The following SYNE1 variants were observed in gnomAD, a reference collection of about 807,000 sequenced individuals.
SYNE1 encodes nesprin-1.
Under a neutral mutation model 1,111.0 loss-of-function variants are expected in SYNE1, and 616 were observed. The ratio of observed to expected loss-of-function variants is 0.55; its 90% CI spans 0.52 to 0.59. The LOEUF is 0.59. Among genes scored for constraint, SYNE1 ranks in the 20% least tolerant of loss-of-function variants. SYNE1 has a pLI of 0.00. For missense variants in SYNE1, 10,006 were observed against 10,417.0 expected (o/e 0.96, Z 1.72); for synonymous variants, 3,855 against 3,825.8 (o/e 1.01, Z -0.28).
chr6:152,632,613 T>C (rs1228847136), intron 2 of SYNE1, among the ~76,000 whole-genome samples: 2 of 152,186 alleles, frequency 1.3e-5, no homozygotes, highest in Non-Finnish European at 2.9e-5. Flanking sequence ...GAGAGTGTGG[T>C]ACCAGGAAAT....
rs1323013001 is a variant in SYNE1, at chr6:152,298,186, A to G, written c.17682+2455T>C. ...TTCATTTTCACAATGCTGTGAATTAAGTAGTATTGCTTCTCACTTACAAAT... is the reference window on the plus strand; with the variant it reads ...TTCATTTTCACAATGCTGTGAATTAGGTAGTATTGCTTCTCACTTACAAAT... On this transcript the variant is annotated intron_variant, in intron 93 of 145. Coordinates refer to ENST00000367255, the MANE Select transcript of SYNE1 (RefSeq NM_182961.4). 2.4e-4 allele frequency among the ~76,000 whole-genome samples: 37 copies of G among 152,234 alleles called. 1 individual carries two copies.
At chr6:152,599,263 CT>C (rs1225348199) in intron 3 of SYNE1, among the ~76,000 whole-genome samples, 2 of 152,192 alleles carry the variant, frequency 1.3e-5, no homozygotes, top group African/African-American at 2.4e-5. Context: ...TCACTGCAGG[CT>C]GCTCTAGTAA....
chr6:152,408,069 T>C (rs1032873243), intron 44 of SYNE1, among the ~76,000 whole-genome samples: 2 of 152,126 alleles, frequency 1.3e-5, no homozygotes, highest in Admixed American at 1.3e-4. Flanking sequence ...AGCCAAAGAA[T>C]GTTCTTTTAA....
intron 3 of SYNE1, among the ~76,000 whole-genome samples, chr6:152,562,394 A>G (rs774959178): frequency 6.6e-6 from 1 of 152,202 alleles, no homozygotes; most frequent in Non-Finnish European, 1.5e-5. Context: ...AGCAAAAGAT[A>G]ACAAGTGTTG....
chr6:152,248,043 T>G lies in SYNE1; in HGVS notation c.19572+1118A>C, dbSNP rs565371752. ...TCTAACATCCCTCCCATTTCTTCTA[T>G]CTGCATTTTCATGCCATCATGCCAG... On this transcript the variant is annotated intron_variant, in intron 105 of 145. Coordinates refer to ENST00000367255, the MANE Select transcript of SYNE1 (RefSeq NM_182961.4). Among the ~76,000 whole-genome samples, 5 of 152,298 alleles carry G rather than the reference T, an allele frequency of 3.3e-5. No individual in the cohort carries two copies. In the East Asian group the frequency reaches 7.7e-4, roughly 24 times the overall value.
chr6:152,223,235 C>T (rs936860960), intron 117 of SYNE1, among the ~76,000 whole-genome samples: 3 of 152,170 alleles, frequency 2.0e-5, no homozygotes, highest in South Asian at 2.1e-4. Context: ...AAGAAGTTTT[C>T]GTGATCCTTA....
Position 152,164,073 on chromosome 6 carries a change from C to A in SYNE1, c.23790+90G>T. 6 of 1,564,718 alleles carry A rather than the reference C, an allele frequency of 3.8e-6. No homozygotes were observed. The Admixed American group carries it at 1.0e-4, about 26-fold the overall frequency. On this transcript the variant is annotated intron_variant, in intron 131 of 145. Transcript: ENST00000367255. The stretch of plus-strand genomic sequence containing the variant: ...CTAGCTCCCTGCTGACCTTCCATCT[C>A]CAGGCACCATCTCATGCCCACCCCA...
At chr6:152,542,115 C>T (rs765837480) in intron 3 of SYNE1, among the ~76,000 whole-genome samples, 2 of 152,146 alleles carry the variant, frequency 1.3e-5, no homozygotes, top group African/African-American at 4.8e-5. Context: ...TTCAATCCCT[C>T]GCCCTTTGAG....
intron 131 of SYNE1, among the ~76,000 whole-genome samples, chr6:152,158,391 T>C (rs1385723126): frequency 6.6e-6 from 1 of 152,208 alleles, no homozygotes; most frequent in Non-Finnish European, 1.5e-5. Context: ...ACCCGGGATT[T>C]ATATTCTTGT....
chr6:152,483,415 T>C (rs1055374132), intron 13 of SYNE1, among the ~76,000 whole-genome samples, 166 bp from the exon 14 acceptor site: 2 of 152,220 alleles, frequency 1.3e-5, no homozygotes, highest in South Asian at 4.1e-4. Flanking sequence ...TTTGACACTT[T>C]AGGGATGGGG....
intron 131 of SYNE1, among the ~76,000 whole-genome samples, 180 bp downstream of exon 131, chr6:152,163,983 G>A (rs2063076675): frequency 6.6e-6 from 1 of 152,202 alleles, no homozygotes; most frequent in Admixed American, 6.5e-5. Context: ...GAACTCTGCA[G>A]TGACATGGAA....
intron 87 of SYNE1, among the ~76,000 whole-genome samples, chr6:152,313,525 C>G (rs897216840): frequency 4.0e-5 from 6 of 149,044 alleles, no homozygotes; most frequent in Non-Finnish European, 7.4e-5. Flanking sequence ...TGCAATGGCG[C>G]GATCTAAGCT....
chr6:152,596,928 T>C (rs2099583641), intron 3 of SYNE1, among the ~76,000 whole-genome samples: 1 of 152,184 alleles, frequency 6.6e-6, no homozygotes, highest in Admixed American at 6.5e-5. Flanking sequence ...CAAAAACTGC[T>C]CATCCTCTGT....
At chr6:152,532,430 C>G (rs150394158) in intron 4 of SYNE1, among the ~76,000 whole-genome samples, 1 of 152,106 alleles carries the variant, frequency 6.6e-6, no homozygotes, top group Non-Finnish European at 1.5e-5. Context: ...AACTACTAAA[C>G]ACATATCCTA....
chr6:152,563,756 A>G (rs900371929), intron 3 of SYNE1, among the ~76,000 whole-genome samples: 3 of 152,252 alleles, frequency 2.0e-5, no homozygotes, highest in Admixed American at 6.5e-5. Context: ...GACATTTTTT[A>G]GATCACTATT....
rs138422350 is a variant in SYNE1 at position 152,509,192 on chromosome 6, T to A, written c.581+1001A>T. On this transcript the variant is annotated intron_variant, in intron 8 of 145. Coordinates refer to ENST00000367255, the MANE Select transcript of SYNE1 (RefSeq NM_182961.4). ...CTTATATAATCAACTGAAAACTCCA[T>A]TGAAATTGCTATGAGAAAGTACTTT... Among the ~76,000 whole-genome samples the A allele has an allele frequency of 2.1e-3, 315 of 152,070 alleles. 1 individual carries two copies. Among genetic ancestry groups the A allele is most frequent in the African/African-American group, 7.3e-3 (302 of 41,522 alleles).
intron 127 of SYNE1, among the ~76,000 whole-genome samples, chr6:152,201,405 T>C (rs1252912162): frequency 2.6e-5 from 4 of 152,028 alleles, no homozygotes; most frequent in Non-Finnish European, 5.9e-5. Flanking sequence ...TTTCCTTGCA[T>C]AATGGTCTAG....
At chr6:152,393,613 C>T (rs889371604) in intron 51 of SYNE1, among the ~76,000 whole-genome samples, 2 of 151,808 alleles carry the variant, frequency 1.3e-5, no homozygotes, top group Non-Finnish European at 2.9e-5. Context: ...AGAGCTTACA[C>T]TATAGTAAGG....
intron 135 of SYNE1, among the ~76,000 whole-genome samples, chr6:152,151,282 ATTGAAAATCAATCAAGCTG>A (rs2060370486): frequency 6.6e-6 from 1 of 152,032 alleles, no homozygotes; most frequent in Non-Finnish European, 1.5e-5. Context: ...AATCAAGCTG[ATTGAAAATCAATCAAGCTG>A]TTGAAAAATA....
Sources: gnomAD v4.1 joint callset for allele counts (sites outside exome capture counted in the v4.1 genomes callset) on GRCh38, gnomAD v4.1.1 for gene constraint, MANE v1.5 for transcripts, NCBI Gene and HGNC (gene_info 2026-07-23, HGNC 2026-07-21) for gene names.